Variants in EML6 observed in about 807,000 individuals in gnomAD.
The protein encoded by EML6 is echinoderm microtubule-associated protein-like 6.
EML6 carries 154 observed loss-of-function variants against 240.1 expected under a neutral mutation model. That is an observed-to-expected ratio of 0.64 (90% confidence interval 0.56 to 0.73). The LOEUF (loss-of-function observed/expected upper bound fraction) is 0.73. Among genes scored for constraint, EML6 ranks in the 30% least tolerant of loss-of-function variants. The pLI is 0.00. For missense variants in EML6, 2,964 were observed against 2,474.6 expected (o/e 1.20, Z -4.20); for synonymous variants, 1,148 against 899.0 (o/e 1.28, Z -4.95).
At position 54,970,541 on chromosome 2, in the gene EML6, A is replaced by C. The variant is rs1676944726; in HGVS notation, c.*446A>C. 6.0e-6 allele frequency: 1 copy of C among 167,070 alleles called. No homozygotes were observed. The highest frequency in any genetic ancestry group is 2.4e-5 in the African/African-American group (1 of 42,036). 10.3% of individuals were successfully genotyped at this position (167,070 alleles called of 1,614,324 possible). ...ACAAATAAGTTGAACAAGACAGCCT[A>C]AGTTAGATGCACCGAAGTACTAGAA... On this transcript the variant is annotated 3_prime_UTR_variant, in exon 42 of 42. Coordinates refer to ENST00000356458, the MANE Select transcript of EML6 (RefSeq NM_001039753.4).
intron 2 of EML6, among the ~76,000 whole-genome samples, chr2:54,738,967 A>G (rs954265725): frequency 1.3e-5 from 2 of 152,110 alleles, no homozygotes; most frequent in Non-Finnish European, 2.9e-5. Context: ...ATCTGGCCAG[A>G]TGCGGTGGCT....
intron 11 of EML6, among the ~76,000 whole-genome samples, chr2:54,855,469 G>A (rs200534285): frequency 5.2e-3 from 148 of 28,518 alleles, no homozygotes; most frequent in African/African-American, 0.019. Flanking sequence ...CCCCCCCCCC[G>A]CCCTCTAATT....
intron 17 of EML6, chr2:54,882,561 A>G (rs1191997655): frequency 6.6e-6 from 1 of 152,124 alleles, no homozygotes; most frequent in Non-Finnish European, 1.5e-5. Context: ...TTGCTGCTAG[A>G]AAGCTTAGGG....
chr2:54,726,021 T>C (rs1682892956), intron 2 of EML6, among the ~76,000 whole-genome samples: 1 of 152,228 alleles, frequency 6.6e-6, no homozygotes. Context: ...GGGGTTATAT[T>C]GTGATTCTTG....
chr2:54,748,698 T>G (rs1236731467), intron 2 of EML6, among the ~76,000 whole-genome samples: 1 of 152,166 alleles, frequency 6.6e-6, no homozygotes, highest in Admixed American at 6.5e-5. Flanking sequence ...TAGCTGGGAC[T>G]ACAGGTGCAT....
At chr2:54,800,739 A>G (rs986235295) in intron 2 of EML6, among the ~76,000 whole-genome samples, 3 of 152,146 alleles carry the variant, frequency 2.0e-5, no homozygotes, top group African/African-American at 7.2e-5. Context: ...GTGGTTCCCA[A>G]GCAGCTTTTT....
At chr2:54,844,601 T>G (rs980962216) in intron 8 of EML6, among the ~76,000 whole-genome samples, 9 of 152,180 alleles carry the variant, frequency 5.9e-5, no homozygotes, top group African/African-American at 1.9e-4. Flanking sequence ...GCATGGAGAT[T>G]TTACAATTTT....
Position 54,931,204 on chromosome 2 carries a change from G to A in EML6, c.4004+2453G>A, listed in dbSNP as rs533114015. Among the ~76,000 whole-genome samples the A allele has an allele frequency of 9.9e-5, 15 of 150,792 alleles. No individual in the cohort carries two copies. In the South Asian group the frequency reaches 1.1e-3, roughly 11 times the overall value. Reference sequence around the variant, plus strand: ...GATCTCCTGACCTCGTGATCCGCCCGCCTCGGCCTCCCAAAGTGCTGGGAT... The same window carrying A: ...GATCTCCTGACCTCGTGATCCGCCCACCTCGGCCTCCCAAAGTGCTGGGAT... On this transcript the variant is annotated intron_variant, in intron 28 of 41. Transcript: ENST00000356458.
chr2:54,754,935 T>C lies in EML6; in HGVS notation c.197+29677T>C, dbSNP rs1286512787. Among the ~76,000 whole-genome samples, 3 of 152,354 alleles carry C rather than the reference T, an allele frequency of 2.0e-5. No homozygotes were observed. In the East Asian group the frequency reaches 5.8e-4, roughly 29 times the overall value. On this transcript the variant is annotated intron_variant, in intron 2 of 41. Transcript: ENST00000356458. ...AAGCTAAATTTTAAATTTTATTAGA[T>C]TTTAATTAATTCAAAATTAAATGTA...
intron 4 of EML6, among the ~76,000 whole-genome samples, chr2:54,818,337 A>G (rs765010493): frequency 3.3e-5 from 5 of 152,196 alleles, no homozygotes; most frequent in Admixed American, 2.6e-4. Flanking sequence ...ATCAACTGCA[A>G]CCTAGCTTGC....
chr2:54,867,790 G>T (rs943740381), intron 14 of EML6: 1 of 152,106 alleles, frequency 6.6e-6, no homozygotes, highest in Non-Finnish European at 1.5e-5. Context: ...TCTAAAACAG[G>T]AAGCTATTTT....
intron 7 of EML6, among the ~76,000 whole-genome samples, chr2:54,830,112 A>G (rs561184000): frequency 6.6e-6 from 1 of 152,258 alleles, no homozygotes; most frequent in Non-Finnish European, 1.5e-5. Flanking sequence ...TCAAACTGTT[A>G]GCTATTCTCA....
intron 16 of EML6, among the ~76,000 whole-genome samples, chr2:54,878,198 T>C (rs1316025592): frequency 6.6e-6 from 1 of 152,236 alleles, no homozygotes. Flanking sequence ...TTCTATATTT[T>C]ATCTGGCAAC....
chr2:54,934,474 C>A (rs545485730), intron 28 of EML6, among the ~76,000 whole-genome samples: 3 of 152,034 alleles, frequency 2.0e-5, no homozygotes, highest in Non-Finnish European at 4.4e-5. Context: ...ATCTAAATTC[C>A]GTTTTTGTCA....
intron 33 of EML6, among the ~76,000 whole-genome samples, chr2:54,958,439 G>A (rs1002335730): frequency 3.9e-5 from 6 of 152,074 alleles, no homozygotes; most frequent in Non-Finnish European, 8.8e-5. Flanking sequence ...TGATCCGCCT[G>A]CCTCAGCCTC....
At position 54,787,866 on chromosome 2, in the gene EML6, GCC is replaced by G. The variant is rs555224259; in HGVS notation, c.198-25365_198-25364del. ...TTGCTCCTTCTGCATCAATTTTTAG[GCC>G]AGACCTAAGTTATTTGAAACCCGGT... On this transcript the variant is annotated intron_variant, in intron 2 of 41. Coordinates refer to ENST00000356458, the MANE Select transcript of EML6 (RefSeq NM_001039753.4). 7.4e-3 allele frequency among the ~76,000 whole-genome samples: 1,131 copies of G among 152,092 alleles called. 12 individuals carry two copies. The highest frequency in any genetic ancestry group is 0.026 in the African/African-American group (1,069 of 41,452).
chr2:54,860,905 G>A (rs776337709), intron 12 of EML6, among the ~76,000 whole-genome samples: 4 of 152,192 alleles, frequency 2.6e-5, no homozygotes, highest in Non-Finnish European at 4.4e-5. Flanking sequence ...TCTTTGCTCT[G>A]GGAGCAGAAG....
intron 28 of EML6, among the ~76,000 whole-genome samples, chr2:54,946,938 C>T (rs1484566683): frequency 1.3e-5 from 2 of 151,658 alleles, no homozygotes; most frequent in African/African-American, 4.9e-5. Context: ...AAAAAAAAAG[C>T]ATCGGATTGC....
intron 2 of EML6, among the ~76,000 whole-genome samples, chr2:54,792,450 C>T (rs865854636): frequency 1.3e-5 from 2 of 152,178 alleles, no homozygotes; most frequent in East Asian, 3.8e-4. Context: ...AATCTCACTC[C>T]TAGATATCTG....
Sources: allele counts gnomAD v4.1 joint callset (sites outside exome capture counted in the v4.1 genomes callset), GRCh38; gene constraint gnomAD v4.1.1; transcripts MANE v1.5; gene names NCBI Gene and HGNC (gene_info 2026-07-23, HGNC 2026-07-21).